The following KTN1 variants were observed in gnomAD, a reference collection of about 807,000 sequenced individuals.
KTN1 encodes kinectin.
In KTN1, 130 loss-of-function variants were observed where a neutral mutation model predicts 222.5. The observed-to-expected ratio is 0.58, with a 90% CI of 0.51 to 0.68. The LOEUF (loss-of-function observed/expected upper bound fraction) is 0.68, where lower values mean the gene tolerates loss of function less well. KTN1 is among the 30% of genes least tolerant of loss of function. The probability of loss-of-function intolerance (pLI) is 0.00; values close to 1 mark genes in which losing one functional copy is unlikely to be tolerated. For missense variants in KTN1, 1,508 were observed against 1,500.4 expected, an observed-to-expected ratio of 1.01 and a Z score of -0.08; for synonymous variants, 512 against 496.3, an observed-to-expected ratio of 1.03 and a Z score of -0.42.
At chr14:55,655,607 AGAGT>A (rs1305098659) in intron 28 of KTN1, among the ~76,000 whole-genome samples, 3 of 152,180 alleles carry the variant, frequency 2.0e-5, no homozygotes, top group African/African-American at 7.2e-5. Context: ...TGGGCTAGAT[AGAGT>A]AAGATTTACG....
intron 5 of KTN1, among the ~76,000 whole-genome samples, chr14:55,625,809 T>C (rs982634859): frequency 3.9e-5 from 6 of 152,252 alleles, no homozygotes; most frequent in African/African-American, 1.4e-4. Flanking sequence ...TTCACTGTTC[T>C]CTTTATTCAT....
chr14:55,642,089 A>G (rs1333885564), intron 18 of KTN1, among the ~76,000 whole-genome samples: 2 of 152,330 alleles, frequency 1.3e-5, no homozygotes, highest in Middle Eastern at 3.4e-3. Flanking sequence ...TTTAGGGAGC[A>G]TGGTGTCTTT....
intron 1 of KTN1, among the ~76,000 whole-genome samples, chr14:55,610,356 TA>T (rs3059141): frequency 1.3e-4 from 20 of 150,740 alleles, no homozygotes; most frequent in South Asian, 1.1e-3. Context: ...AACAATTGGT[TA>T]AAAAAAAAAT....
intron 20 of KTN1, among the ~76,000 whole-genome samples, chr14:55,648,463 A>C (rs2042614423): frequency 6.6e-6 from 1 of 152,186 alleles, no homozygotes; most frequent in African/African-American, 2.4e-5. Flanking sequence ...ACCTAACTTG[A>C]TTGGGAAAAG....
chr14:55,656,268 G>T, intron 29 of KTN1, 136 bp downstream of exon 29: 2 of 617,620 alleles, frequency 3.2e-6, no homozygotes, highest in Non-Finnish European at 5.7e-6. Context: ...GTCATTATTG[G>T]CATGTTTTTT....
Position 55,630,090 on chromosome 14 carries a change from A to T in KTN1, c.1214A>T (p.Gln405Leu). The change falls in exon 7 of 44, where the codon CAG becomes CTG. Residue 405 changes from glutamine to leucine, a missense_variant. Physicochemically the swap from Gln to Leu is moderately radical, Grantham distance 113 (BLOSUM62 -2). Coordinates refer to ENST00000395314, the MANE Select transcript of KTN1 (RefSeq NM_001079521.2). ...HVSYQETQQM[Q>L]MKFQQVREQM... ...AGTTATCAAGAGACTCAACAGATGC[A>T]GATGAAGGTATATTTTCATTCTTTG... 1 of 1,610,118 alleles carries T rather than the reference A, an allele frequency of 6.2e-7. No individual in the cohort carries two copies.
At position 55,652,913 on chromosome 14, in the gene KTN1, C is replaced by T. The variant is rs1398751474; in HGVS notation, c.2667C>T (p.Asp889=). The change falls in exon 26 of 44, where the codon GAC becomes GAT. Residue 889 remains aspartate (D), a synonymous_variant. Transcript: ENST00000395314. ...MKAVLEEKEK[D]LANTGKWLQD... ...CTGTTTTGGAAGAGAAAGAGAAAGACCTAGCCAATACAGGGAAGTGGTTAC... is the reference window on the plus strand; with the variant it reads ...CTGTTTTGGAAGAGAAAGAGAAAGATCTAGCCAATACAGGGAAGTGGTTAC... The T allele has an allele frequency of 3.1e-6, 5 of 1,611,514 alleles. No individual in the cohort carries two copies. The East Asian group carries it at 6.7e-5, about 22-fold the overall frequency.
At chr14:55,662,941 AGACATTGAACCCGTGTGAAAAGAGCCAG>A (rs1216589577) in intron 32 of KTN1, 62 of 456,088 alleles carry the variant, frequency 1.4e-4, no homozygotes, top group African/African-American at 1.2e-3. Context: ...GCAGCGCTGG[AGACATTGAACCCGTGTGAAAAGAGCCAG>A]GACACTGGAG....
chr14:55,622,435 C>T (rs1409332681), intron 5 of KTN1, among the ~76,000 whole-genome samples: 2 of 152,156 alleles, frequency 1.3e-5, no homozygotes, highest in Admixed American at 1.3e-4. Flanking sequence ...ATGCAGCCAA[C>T]ATCTATATTC....
chr14:55,586,750 T>G (rs778798494), intron 1 of KTN1, among the ~76,000 whole-genome samples: 67 of 151,920 alleles, frequency 4.4e-4, no homozygotes, highest in Non-Finnish European at 6.9e-4. Context: ...AGACTTGAAG[T>G]TTTTCAAGTG....
chr14:55,582,008 T>G lies in KTN1; in HGVS notation c.-31+1654T>G, dbSNP rs117164084. Among the ~76,000 whole-genome samples, 28 of 152,272 alleles carry G rather than the reference T, an allele frequency of 1.8e-4. 1 individual carries two copies. In the East Asian group the frequency reaches 5.4e-3, roughly 29 times the overall value. On this transcript the variant is annotated intron_variant, in intron 1 of 43. Coordinates refer to ENST00000395314, the MANE Select transcript of KTN1 (RefSeq NM_001079521.2). ...ATTGAGTTTCAAATGTCTCTTCTAATTTTGTAGCCTTCATCAGACATAACA... is the reference window on the plus strand; with the variant it reads ...ATTGAGTTTCAAATGTCTCTTCTAAGTTTGTAGCCTTCATCAGACATAACA...
rs775076835 is a variant in KTN1 at position 55,629,996 on chromosome 14, A to G, written c.1120A>G (p.Thr374Ala). ...GAAAGAAAGAAGCAATGTGGTTATAACAAGGATGAAAGATCGAATTGGAAC... is the reference window on the plus strand; with the variant it reads ...GAAAGAAAGAAGCAATGTGGTTATAGCAAGGATGAAAGATCGAATTGGAAC... ...TEKERSNVVITRMKDRIGTLE... is the reference protein window; with the variant it reads ...TEKERSNVVIARMKDRIGTLE... The change falls in exon 7 of 44, where the codon ACA becomes GCA. Residue 374 changes from threonine (T) to alanine (A), a missense_variant. Physicochemically the swap from Thr to Ala is moderately conservative, Grantham distance 58. Transcript: ENST00000395314. The G allele has an allele frequency of 6.2e-7, 1 of 1,602,740 alleles. No individual in the cohort carries two copies. The highest frequency in any genetic ancestry group is 8.5e-7 in the Non-Finnish European group (1 of 1,169,628).
intron 15 of KTN1, 138 bp from the exon 16 acceptor site, chr14:55,640,795 A>C: frequency 1.4e-6 from 1 of 696,866 alleles, no homozygotes; most frequent in East Asian, 2.7e-5. Flanking sequence ...ACAGCAAAAC[A>C]TGTTACAGAA....
chr14:55,675,796 G>C, intron 40 of KTN1, 39 bp from the exon 41 acceptor site: 1 of 1,327,188 alleles, frequency 7.5e-7, no homozygotes, highest in Non-Finnish European at 1.1e-6. Flanking sequence ...AAAGAATGAT[G>C]CAAATTAAGT....
rs1390600822 is a variant in KTN1, at chr14:55,618,120, C to T, written c.818C>T (p.Thr273Ile). ...IQKSGTKKLK[T>I]ETDKENAEVK... Reference sequence around the variant, plus strand: ...AAATCTGGGACTAAAAAACTGAAGACCGAAACTGACAAAGGTAATATATGG... The same window carrying T: ...AAATCTGGGACTAAAAAACTGAAGATCGAAACTGACAAAGGTAATATATGG... Residue 273 changes from threonine (T) to isoleucine (I), a missense_variant, in exon 4 of 44, where the codon ACC becomes ATC. By Grantham distance (89) the Thr-to-Ile change is moderately conservative (BLOSUM62 -1). Transcript: ENST00000395314. The T allele has an allele frequency of 6.2e-7, 1 of 1,610,604 alleles. No individual in the cohort carries two copies. The highest frequency in any genetic ancestry group is 1.3e-5 in the African/African-American group (1 of 74,778).
intron 37 of KTN1, 175 bp downstream of exon 37, chr14:55,672,052 C>T (rs957164453): frequency 5.5e-6 from 3 of 546,582 alleles, no homozygotes; most frequent in Non-Finnish European, 9.9e-6. Context: ...GTCTAATGCC[C>T]ACCCAAGTTT....
chr14:55,587,912 C>CT (rs1566651528), intron 1 of KTN1, among the ~76,000 whole-genome samples: 2 of 151,974 alleles, frequency 1.3e-5, no homozygotes. Flanking sequence ...TTCTTTCACT[C>CT]TTTTTTTTCT....
At position 55,640,915 on chromosome 14, in the gene KTN1, T is replaced by G; in HGVS notation, c.1984-18T>G. On this transcript the variant is annotated intron_variant, in intron 15 of 43. Coordinates refer to ENST00000395314, the MANE Select transcript of KTN1 (RefSeq NM_001079521.2). ...CTTCCTGTGAAGTGATATCATTTTC[T>G]TCTCATTCCACACACAGGCTGCTGC... 6.2e-7 allele frequency: 1 copy of G among 1,609,382 alleles called. No homozygotes were observed. Among genetic ancestry groups the G allele is most frequent in the Non-Finnish European group, 8.5e-7 (1 of 1,176,758 alleles).
Position 55,599,688 on chromosome 14 carries a change from G to T in KTN1, c.-30-12331G>T, listed in dbSNP as rs575797925. Among the ~76,000 whole-genome samples, 15 of 152,198 alleles carry T rather than the reference G, an allele frequency of 9.9e-5. No individual in the cohort carries two copies. The South Asian group carries it at 2.9e-3, about 29-fold the overall frequency. On this transcript the variant is annotated intron_variant, in intron 1 of 43. Coordinates refer to ENST00000395314, the MANE Select transcript of KTN1 (RefSeq NM_001079521.2). ...GACGGGGTTTCGCCATGTTGGCCAG[G>T]TGGTTCTCGGAACTCCTGACCTCAG...
Sources: allele counts gnomAD v4.1 joint callset (sites outside exome capture counted in the v4.1 genomes callset), GRCh38; gene constraint gnomAD v4.1.1; transcripts MANE v1.5; gene names NCBI Gene and HGNC (gene_info 2026-07-23, HGNC 2026-07-21).